Variants in WDR7 observed in about 807,000 individuals in gnomAD.
WDR7 encodes WD repeat-containing protein 7.
WDR7 carries 46 observed loss-of-function variants against 169.4 expected under a neutral mutation model. The observed-to-expected ratio is 0.27, with a 90% confidence interval of 0.21 to 0.35. The LOEUF (loss-of-function observed/expected upper bound fraction) is 0.35, where lower values mean the gene tolerates loss of function less well. WDR7 is among the 10% of genes least tolerant of loss of function. WDR7 has a pLI of 1.00. For synonymous variants in WDR7, 612 were observed against 666.8 expected (o/e 0.92, Z 1.27); for missense variants, 1,534 against 1,859.3 (o/e 0.83, Z 3.22).
chr18:56,771,567 A>G (rs894536729), intron 16 of WDR7, among the ~76,000 whole-genome samples: 1 of 71,544 alleles, frequency 1.4e-5, no homozygotes, highest in African/African-American at 6.2e-5. Flanking sequence ...ACCCTCCCCC[A>G]CCCCCCCCCA....
At chr18:56,760,720 G>A (rs2043968638) in intron 16 of WDR7, among the ~76,000 whole-genome samples, 1 of 152,164 alleles carries the variant, frequency 6.6e-6, no homozygotes, top group Non-Finnish European at 1.5e-5. Context: ...AATATCTTCA[G>A]CTTTAGTAGG....
At chr18:56,715,222 T>C in intron 12 of WDR7, among the ~76,000 whole-genome samples, 1 of 152,172 alleles carries the variant, frequency 6.6e-6, no homozygotes, top group East Asian at 1.9e-4. Context: ...TAAGGAGATC[T>C]TTGACAGAGA....
intron 20 of WDR7, among the ~76,000 whole-genome samples, chr18:56,845,219 A>G (rs1166368342): frequency 6.6e-6 from 1 of 152,130 alleles, no homozygotes; most frequent in Non-Finnish European, 1.5e-5. Context: ...TTTACTAACC[A>G]AAAGATTTTC....
chr18:56,802,202 T>G (rs1006275221), intron 19 of WDR7, among the ~76,000 whole-genome samples: 1 of 152,240 alleles, frequency 6.6e-6, no homozygotes, highest in Non-Finnish European at 1.5e-5. Context: ...ATTTCCTTAA[T>G]GACTAATAAT....
At chr18:56,741,193 C>G (rs941701153) in intron 14 of WDR7, among the ~76,000 whole-genome samples, 5 of 152,038 alleles carry the variant, frequency 3.3e-5, no homozygotes, top group Admixed American at 1.3e-4. Flanking sequence ...TTGTGGCCCT[C>G]AAAGTTTAAA....
intron 20 of WDR7, among the ~76,000 whole-genome samples, chr18:56,857,288 C>G (rs1389642689): frequency 6.6e-6 from 1 of 152,084 alleles, no homozygotes; most frequent in African/African-American, 2.4e-5. Context: ...GAAGCAGGGT[C>G]TCTCTGTGTC....
chr18:56,762,118 C>G (rs1021562796), intron 16 of WDR7, among the ~76,000 whole-genome samples: 20 of 152,012 alleles, frequency 1.3e-4, no homozygotes, highest in Admixed American at 2.0e-4. Flanking sequence ...TAATTTTCCT[C>G]TATTAATGTG....
intron 19 of WDR7, among the ~76,000 whole-genome samples, chr18:56,801,835 A>G (rs1018304295): frequency 6.6e-6 from 1 of 152,178 alleles, no homozygotes; most frequent in Admixed American, 6.5e-5. Context: ...ACCAAAGTAT[A>G]TTTATCCATT....
rs386387798 is a variant in WDR7, at chr18:56,820,339, C to CAAAAAAAAAAAAAAAAAAAA, written c.3304+4201_3304+4220dup. ...AAGGGTCAAGAGTCACTGACATTGTCAAAAAAAAAAAAAAAAAAAAAAAAA... is the reference window on the plus strand; with the variant it reads ...AAGGGTCAAGAGTCACTGACATTGTCAAAAAAAAAAAAAAAAAAAAAAAAAAAAAAAAAAAAAAAAAAAAA... On this transcript the variant is annotated intron_variant, in intron 20 of 27. Coordinates refer to ENST00000254442, the MANE Select transcript of WDR7 (RefSeq NM_015285.3). Among the ~76,000 whole-genome samples, 5 of 42,478 alleles carry CAAAAAAAAAAAAAAAAAAAA rather than the reference C, an allele frequency of 1.2e-4. 1 individual carries two copies. The highest frequency in any genetic ancestry group is 3.7e-4 in the African/African-American group (3 of 8,004). The allele number at this position is 42,478 out of a possible 152,430, so 27.9% of individuals were successfully genotyped here. A position where few individuals can be genotyped will look rare whatever the true frequency, so the allele number is the denominator to read the frequency against.
At chr18:56,849,814 A>G (rs1289115723) in intron 20 of WDR7, among the ~76,000 whole-genome samples, 1 of 152,174 alleles carries the variant, frequency 6.6e-6, no homozygotes, top group African/African-American at 2.4e-5. Context: ...GCCTAGGCTG[A>G]CCTCAAACTC....
At chr18:56,700,986 G>T (rs1234788345) in intron 12 of WDR7, among the ~76,000 whole-genome samples, 4 of 152,110 alleles carry the variant, frequency 2.6e-5, no homozygotes, top group African/African-American at 4.8e-5. Flanking sequence ...TAAAATGTAA[G>T]AAAATTAAAA....
chr18:56,991,142 C>CTTTT (rs1599225543), intron 26 of WDR7, among the ~76,000 whole-genome samples: 1 of 74,042 alleles, frequency 1.4e-5, no homozygotes, highest in Non-Finnish European at 3.0e-5. Flanking sequence ...ACCTTCTCCT[C>CTTTT]ATTTTTTTTT....
At chr18:56,921,064 A>T (rs1255600833) in intron 21 of WDR7, among the ~76,000 whole-genome samples, 1 of 152,234 alleles carries the variant, frequency 6.6e-6, no homozygotes, top group East Asian at 1.9e-4. Flanking sequence ...TTGAAGTCTT[A>T]GGCATCCCAG....
intron 26 of WDR7, among the ~76,000 whole-genome samples, chr18:57,006,922 T>C (rs1043701057): frequency 1.3e-5 from 2 of 152,166 alleles, no homozygotes; most frequent in Non-Finnish European, 2.9e-5. Flanking sequence ...TATACAGGCA[T>C]GTACATCCAC....
chr18:56,883,581 G>A (rs529587237), intron 21 of WDR7, among the ~76,000 whole-genome samples: 123 of 150,702 alleles, frequency 8.2e-4, no homozygotes, highest in African/African-American at 2.8e-3. Flanking sequence ...TCCTTTAGTC[G>A]TGATTTCTGA....
intron 14 of WDR7, among the ~76,000 whole-genome samples, chr18:56,736,202 C>T (rs569425191): frequency 6.6e-6 from 1 of 152,152 alleles, no homozygotes; most frequent in South Asian, 2.1e-4. Context: ...ACATGTGCTT[C>T]CCTCATTTAA....
At chr18:56,895,790 A>G (rs934801676) in intron 21 of WDR7, among the ~76,000 whole-genome samples, 19 of 151,810 alleles carry the variant, frequency 1.3e-4, no homozygotes, top group Non-Finnish European at 2.5e-4. Flanking sequence ...TATTTGAGTA[A>G]ATGGTTTGCA....
intron 25 of WDR7, among the ~76,000 whole-genome samples, chr18:56,961,358 A>G (rs1421307199): frequency 6.6e-6 from 1 of 152,058 alleles, no homozygotes; most frequent in Admixed American, 6.6e-5. Context: ...CCCCTTATAA[A>G]ATATAAATAT....
chr18:56,831,151 A>G (rs1025521996), intron 20 of WDR7, among the ~76,000 whole-genome samples: 1 of 152,098 alleles, frequency 6.6e-6, no homozygotes, highest in African/African-American at 2.4e-5. Flanking sequence ...GCTAGGAAAA[A>G]GGGGAGAGTG....
Sources: gnomAD v4.1 joint callset for allele counts (sites outside exome capture counted in the v4.1 genomes callset) on GRCh38, gnomAD v4.1.1 for gene constraint, MANE v1.5 for transcripts, NCBI Gene and HGNC (gene_info 2026-07-23, HGNC 2026-07-21) for gene names.